Variants in ACOT11 observed in about 807,000 individuals in gnomAD.
The protein encoded by ACOT11 is acyl-CoA thioesterase 11.
A neutral mutation model predicts 77.5 loss-of-function variants in ACOT11; 69 were observed. The ratio of observed to expected loss-of-function variants is 0.89; its 90% CI spans 0.73 to 1.09. ACOT11 has a LOEUF of 1.09. Among genes scored for constraint, ACOT11 ranks in the 50% least tolerant of loss-of-function variants. ACOT11 has a pLI of 0.00. For missense variants in ACOT11, 766 were observed against 813.7 expected (o/e 0.94, Z 0.71); for synonymous variants, 279 against 313.0 (o/e 0.89, Z 1.15).
intron 1 of ACOT11, among the ~76,000 whole-genome samples, chr1:54,567,851 C>T (rs917353715): frequency 8.5e-5 from 13 of 152,176 alleles, no homozygotes; most frequent in African/African-American, 2.9e-4. Context: ...AGCAGTCTGC[C>T]TGCTGCTTCT....
In ACOT11 at chr1:54,609,842, A is replaced by C; in HGVS notation, c.*730A>C. 6.2e-7 allele frequency: 1 copy of C among 1,614,134 alleles called. No homozygotes were observed. Among genetic ancestry groups the C allele is most frequent in the Non-Finnish European group, 8.5e-7 (1 of 1,180,022 alleles). On this transcript the variant is annotated 3_prime_UTR_variant, in exon 16 of 16. Transcript: ENST00000343744. ...GGCCAGCTGCTGCAGGCAGGACTCC[A>C]GCGTCAGGATGTTGCCACTTGGAGT...
intron 8 of ACOT11, among the ~76,000 whole-genome samples, chr1:54,600,974 C>G (rs1240231247): frequency 6.6e-6 from 1 of 152,200 alleles, no homozygotes; most frequent in Non-Finnish European, 1.5e-5. Flanking sequence ...GCCGGACACA[C>G]ACAAGAGGTG....
At chr1:54,561,108 A>C (rs1182901949) in intron 1 of ACOT11, among the ~76,000 whole-genome samples, 1 of 147,570 alleles carries the variant, frequency 6.8e-6, no homozygotes, top group African/African-American at 2.6e-5. Context: ...TTTATTTTTT[A>C]AATTTATTTT....
chr1:54,607,158 A>G lies in ACOT11; in HGVS notation c.1395A>G (p.Val465=). ...HYRSVELVQQ[V]DEDDAIYHVT... ...GGAGCGTGGAGCTAGTGCAGCAGGTAGACGAGGACGACGCCATCTACCACG... is the reference window on the plus strand; with the variant it reads ...GGAGCGTGGAGCTAGTGCAGCAGGTGGACGAGGACGACGCCATCTACCACG... The change falls in exon 14 of 16, where the codon GTA becomes GTG. Residue 465 remains valine (V), a synonymous_variant. Coordinates refer to ENST00000343744, the MANE Select transcript of ACOT11 (RefSeq NM_147161.4). The surrounding 1 kb of genome is among the most constrained non-coding windows in gnomAD (Gnocchi z 4.5). 1 of 1,614,176 alleles carries G rather than the reference A, an allele frequency of 6.2e-7. No individual in the cohort carries two copies. Among genetic ancestry groups the G allele is most frequent in the Non-Finnish European group, 8.5e-7 (1 of 1,180,010 alleles).
rs370165441 is a variant in ACOT11, at chr1:54,597,252, T to A, written c.608-7T>A. ...CTGCTTCCCTCCCTTATCCCATCCC[T>A]GGTCAGATCTGGAGAGCAGAGACTG... On this transcript the variant is annotated splice_polypyrimidine_tract_variant and splice_region_variant and intron_variant, in intron 6 of 15. Transcript: ENST00000343744. The A allele has an allele frequency of 6.2e-7, 1 of 1,610,716 alleles. No homozygotes were observed. The highest frequency in any genetic ancestry group is 8.5e-7 in the Non-Finnish European group (1 of 1,180,012).
chr1:54,556,764 TAG>T (rs1653271265), intron 1 of ACOT11, among the ~76,000 whole-genome samples: 1 of 151,544 alleles, frequency 6.6e-6, no homozygotes, highest in Non-Finnish European at 1.5e-5. Context: ...GTATTTTTAG[TAG>T]AGACAGGGCT....
chr1:54,565,968 CT>C (rs1311561353), intron 1 of ACOT11, among the ~76,000 whole-genome samples: 1 of 152,180 alleles, frequency 6.6e-6, no homozygotes, highest in Non-Finnish European at 1.5e-5. Flanking sequence ...TCTCTTCCCC[CT>C]CCCTCCCTCC....
intron 15 of ACOT11, chr1:54,623,231 G>A (rs201552777): frequency 2.1e-5 from 26 of 1,253,912 alleles, no homozygotes; most frequent in South Asian, 6.1e-5. Context: ...GATAAGGAGC[G>A]AGCGATGAGG....
At chr1:54,555,215 T>C (rs1253658335) in intron 1 of ACOT11, among the ~76,000 whole-genome samples, 2 of 152,252 alleles carry the variant, frequency 1.3e-5, no homozygotes, top group Admixed American at 6.5e-5. Context: ...TGCCTTGGCC[T>C]CCCAAAGTGC....
intron 2 of ACOT11, among the ~76,000 whole-genome samples, chr1:54,585,161 G>A (rs1360729538): frequency 6.6e-6 from 1 of 152,188 alleles, no homozygotes; most frequent in Non-Finnish European, 1.5e-5. Context: ...ATGCTGTTGA[G>A]CAAAGCCCCT....
At chr1:54,620,826 T>C (rs535838045) in intron 15 of ACOT11, among the ~76,000 whole-genome samples, 1 of 103,600 alleles carries the variant, frequency 9.7e-6, no homozygotes, top group Non-Finnish European at 1.8e-5. Flanking sequence ...TCAGCCTGGA[T>C]GACACAAAGA....
chr1:54,611,595 C>T (rs749946745), downstream of ACOT11: 1 of 1,613,136 alleles, frequency 6.2e-7, no homozygotes, highest in Non-Finnish European at 8.5e-7. Flanking sequence ...CTTCCCAATT[C>T]CTCTCCTTAC....
rs975933622 is a variant in ACOT11 at position 54,584,795 on chromosome 1, C to T, written c.174C>T (p.Thr58=). Residue 58 remains threonine (T), a synonymous_variant, in exon 2 of 16, where the codon ACC becomes ACT. Coordinates refer to ENST00000343744, the MANE Select transcript of ACOT11 (RefSeq NM_147161.4). The surrounding 1 kb of genome is among the most constrained non-coding windows in gnomAD (Gnocchi z 6.3). ...GCCAGCTGGTGCTGCCCTGCCACAC[C>T]AACCAACGTGGTGAGCTGAGCGTCG... The part of the protein sequence containing the change: ...QMSQLVLPCH[T]NQRGELSVGQ... 37 of 1,613,992 alleles carry T rather than the reference C, an allele frequency of 2.3e-5. No homozygotes were observed. The highest frequency in any genetic ancestry group is 2.7e-5 in the Non-Finnish European group (32 of 1,180,042).
At chr1:54,602,521 T>C in intron 9 of ACOT11, 148 bp from the exon 10 acceptor site, 1 of 706,222 alleles carries the variant, frequency 1.4e-6, no homozygotes, top group Admixed American at 3.9e-5. Flanking sequence ...TTTCCCACTT[T>C]GCTGGCCAGG....
chr1:54,558,481 G>C (rs1312307836), intron 1 of ACOT11, among the ~76,000 whole-genome samples: 2 of 152,212 alleles, frequency 1.3e-5, no homozygotes, highest in Non-Finnish European at 2.9e-5. Context: ...AGACTGTCTG[G>C]AGAACAGGGA....
rs148372118 is a variant in ACOT11, at chr1:54,607,198, C to T, written c.1435C>T (p.Leu479Phe). 50 of 1,614,100 alleles carry T rather than the reference C, an allele frequency of 3.1e-5. No individual in the cohort carries two copies. The African/African-American group carries it at 6.3e-4, about 20-fold the overall frequency. The change falls in exon 14 of 16, where the codon CTC (leucine) becomes TTC (phenylalanine). Residue 479 changes from leucine to phenylalanine, a missense_variant. Coordinates refer to ENST00000343744, the MANE Select transcript of ACOT11 (RefSeq NM_147161.4). This position sits in a 1 kb window ranked among gnomAD's most constrained non-coding sequence, Gnocchi z 4.5. ...DAIYHVTSPA[L>F]GGHTKPQDFV... ...CATCTACCACGTCACCAGCCCTGCCCTCGGAGGTCACACAAAGCCCCAGGA... is the reference window on the plus strand; with the variant it reads ...CATCTACCACGTCACCAGCCCTGCCTTCGGAGGTCACACAAAGCCCCAGGA...
In ACOT11 at chr1:54,601,332, C is replaced by T; in HGVS notation, c.948C>T (p.Ile316=). ...RQEAETHRRH[I]NSAFMTFVVL... is the part of the protein sequence containing the mutation. ...AGGCTGAGACCCACCGGCGCCACAT[C>T]AACAGTGCCTTTATGACCTTTGTGG... The change falls in exon 9 of 16, where the codon ATC becomes ATT. Residue 316 remains isoleucine, a synonymous_variant. Transcript: ENST00000343744. 1 of 1,613,776 alleles carries T rather than the reference C, an allele frequency of 6.2e-7. No individual in the cohort carries two copies. Among genetic ancestry groups the T allele is most frequent in the Non-Finnish European group, 8.5e-7 (1 of 1,180,018 alleles).
In ACOT11 at chr1:54,592,565, A is replaced by T. The variant is rs1278817851; in HGVS notation, c.331A>T (p.Ile111Phe). ...HTISVGQVVNIKAKVNRAFNS... is the reference protein window; with the variant it reads ...HTISVGQVVNFKAKVNRAFNS... ...CCCCAGTGTTGGACAAGTGGTGAATATCAAGGCCAAGGTGAACCGGGCCTT... is the reference window on the plus strand; with the variant it reads ...CCCCAGTGTTGGACAAGTGGTGAATTTCAAGGCCAAGGTGAACCGGGCCTT... Residue 111 changes from isoleucine to phenylalanine, a missense_variant, in exon 4 of 16, where the codon ATC (isoleucine) becomes TTC (phenylalanine). Ile to Phe is a conservative substitution (Grantham distance 21, BLOSUM62 0). Coordinates refer to ENST00000343744, the MANE Select transcript of ACOT11 (RefSeq NM_147161.4). The T allele has an allele frequency of 1.9e-6, 3 of 1,613,114 alleles. No homozygotes were observed. The South Asian group carries it at 3.3e-5, about 18-fold the overall frequency.
chr1:54,636,437 C>G (rs1644331009), exon 17 of ACOT11: 1 of 152,228 alleles, frequency 6.6e-6, no homozygotes, highest in Non-Finnish European at 1.5e-5. Context: ...ACATAAACAT[C>G]TCAATGCCTT....
Sources: allele counts gnomAD v4.1 joint callset (sites outside exome capture counted in the v4.1 genomes callset), GRCh38; gene constraint gnomAD v4.1.1; non-coding constraint Gnocchi (gnomAD v3.1); transcripts MANE v1.5; gene names NCBI Gene and HGNC (gene_info 2026-07-23, HGNC 2026-07-21).